Variants in KCTD10 observed in about 807,000 individuals in gnomAD.
The protein encoded by KCTD10 is potassium channel tetramerization domain containing 10.
KCTD10 carries 13 observed loss-of-function variants against 34.6 expected under a neutral mutation model. That is an observed-to-expected ratio of 0.38 (90% CI 0.24 to 0.60). The LOEUF (loss-of-function observed/expected upper bound fraction) is 0.60, where lower values mean the gene tolerates loss of function less well. Ranked by LOEUF, KCTD10 falls within the 20% of genes least tolerant of loss-of-function variation. The pLI is 0.66. For synonymous variants in KCTD10, 156 were observed against 168.8 expected (o/e 0.92, Z 0.59); for missense variants, 256 against 420.3 (o/e 0.61, Z 3.42).
chr12:109,471,500 C>G, intron 1 of KCTD10: 1 of 841,890 alleles, frequency 1.2e-6, no homozygotes, highest in Non-Finnish European at 1.4e-6. Context: ...CTTAGCTCAC[C>G]TGGGGTCTTT....
At chr12:109,474,479 A>T (rs1729112514) in intron 1 of KCTD10, among the ~76,000 whole-genome samples, 1 of 152,146 alleles carries the variant, frequency 6.6e-6, no homozygotes, top group Non-Finnish European at 1.5e-5. Context: ...GGGAGCTCAA[A>T]ACTCCTGACA....
chr12:109,456,585 A>T, intron 5 of KCTD10: 1 of 478,094 alleles, frequency 2.1e-6, no homozygotes, highest in Non-Finnish European at 3.8e-6. Flanking sequence ...GAGTGCTCCT[A>T]ACCATTGTGC....
chr12:109,469,684 C>T lies in KCTD10; in HGVS notation c.48G>A (p.Ala16=), dbSNP rs961803496. ...TGAAGGAAGTGGTGCGGGTAGCAGCCGCTGGCACCGCTGAGCTCACCACAC... is the reference window on the plus strand; with the variant it reads ...TGAAGGAAGTGGTGCGGGTAGCAGCTGCTGGCACCGCTGAGCTCACCACAC... ...GESVVSSAVP[A]AATRTTSFKG... is the part of the protein sequence containing the mutation. Residue 16 remains alanine (A), a synonymous_variant, in exon 2 of 7, where the codon GCG becomes GCA. Transcript: ENST00000228495. 19 of 1,614,076 alleles carry T rather than the reference C, an allele frequency of 1.2e-5. No homozygotes were observed. The African/African-American group carries it at 1.2e-4, about 10-fold the overall frequency.
chr12:109,453,713 AC>A (rs1449227207), intron 6 of KCTD10, among the ~76,000 whole-genome samples: 2 of 152,006 alleles, frequency 1.3e-5, no homozygotes, highest in African/African-American at 4.8e-5. Flanking sequence ...GAATAACCAA[AC>A]CCCCAGCTTT....
In KCTD10 at chr12:109,450,201, C is replaced by A. The variant is rs1872696939; in HGVS notation, c.*1394G>T. ...TCCATCACCTGACGCACATTCACAT[C>A]TCCTGGTAACTACTCTACCTAGTCT... On this transcript the variant is annotated 3_prime_UTR_variant, in exon 7 of 7. Coordinates refer to ENST00000228495, the MANE Select transcript of KCTD10 (RefSeq NM_031954.5). 1 of 398,638 alleles carries A rather than the reference C, an allele frequency of 2.5e-6. No individual in the cohort carries two copies. The highest frequency in any genetic ancestry group is 4.4e-5 in the Admixed American group (1 of 22,740). The allele number at this position is 398,638 out of a possible 1,614,324, so 24.7% of individuals were successfully genotyped here.
rs1872682211 is a variant in KCTD10, at chr12:109,449,975, ATTGTT to A, written c.*1615_*1619del. On this transcript the variant is annotated 3_prime_UTR_variant, in exon 7 of 7. Coordinates refer to ENST00000228495, the MANE Select transcript of KCTD10 (RefSeq NM_031954.5). Reference sequence around the variant, plus strand: ...TACACGATTTTGACATTCAGTCATGATTGTTTTAAAGTTTTATTGTAGACTTTGCT... The same window carrying A: ...TACACGATTTTGACATTCAGTCATGATTAAAGTTTTATTGTAGACTTTGCT... 4 of 291,186 alleles carry A rather than the reference ATTGTT, an allele frequency of 1.4e-5. No individual in the cohort carries two copies. Among genetic ancestry groups the A allele is most frequent in the Non-Finnish European group, 1.9e-5 (3 of 158,230 alleles). 18.0% of individuals were successfully genotyped at this position (291,186 alleles called of 1,614,324 possible). A position where few individuals can be genotyped will look rare whatever the true frequency, so the allele number is the denominator to read the frequency against.
intron 2 of KCTD10, among the ~76,000 whole-genome samples, chr12:109,466,953 T>C (rs1338293232): frequency 6.6e-6 from 1 of 152,234 alleles, no homozygotes; most frequent in Non-Finnish European, 1.5e-5. Flanking sequence ...ATGCAGGCCA[T>C]GGGTCAGGCT....
rs1179809859 is a variant in KCTD10, at chr12:109,449,335, A to AGTT, written c.*2257_*2259dup. On this transcript the variant is annotated 3_prime_UTR_variant, in exon 7 of 7. Transcript: ENST00000228495. ...CAAAGACTCAAAACTACAAGTGCAAAGTTGGGTAGAGAGAGCTGCCAGAAA... is the reference window on the plus strand; with the variant it reads ...CAAAGACTCAAAACTACAAGTGCAAAGTTGTTGGGTAGAGAGAGCTGCCAGAAA... The AGTT allele has an allele frequency of 6.6e-6, 1 of 152,210 alleles. No homozygotes were observed. Among genetic ancestry groups the AGTT allele is most frequent in the South Asian group, 2.1e-4 (1 of 4,828 alleles). 9.4% of individuals were successfully genotyped at this position (152,210 alleles called of 1,614,324 possible). A position where few individuals can be genotyped will look rare whatever the true frequency, so the allele number is the denominator to read the frequency against.
At chr12:109,472,997 C>T (rs922979372) in intron 1 of KCTD10, among the ~76,000 whole-genome samples, 3 of 151,756 alleles carry the variant, frequency 2.0e-5, no homozygotes, top group African/African-American at 7.3e-5. Flanking sequence ...GAAAGCCCCT[C>T]GGTGTCCCTT....
intron 2 of KCTD10, among the ~76,000 whole-genome samples, chr12:109,468,126 C>T (rs1213749030): frequency 6.6e-6 from 1 of 152,180 alleles, no homozygotes; most frequent in African/African-American, 2.4e-5. Context: ...AGGATCCTCC[C>T]ACTCATAAAA....
At chr12:109,476,981 C>A (rs1874369750) in intron 1 of KCTD10, among the ~76,000 whole-genome samples, 2 of 152,190 alleles carry the variant, frequency 1.3e-5, no homozygotes, top group South Asian at 4.1e-4. Context: ...GGAGACACCC[C>A]TTCCTCACGC....
At chr12:109,469,949 G>A (rs1873804425) in intron 1 of KCTD10, 1 of 1,240,204 alleles carries the variant, frequency 8.1e-7, no homozygotes, top group African/African-American at 1.5e-5. Context: ...GGGAACAACT[G>A]GTCAGAGCTG....
In KCTD10 at chr12:109,450,698, C is replaced by T. The variant is rs367751021; in HGVS notation, c.*897G>A. 126 of 233,822 alleles carry T rather than the reference C, an allele frequency of 5.4e-4. No individual in the cohort carries two copies. The highest frequency in any genetic ancestry group is 4.3e-3 in the East Asian group (53 of 12,414). 14.5% of individuals were successfully genotyped at this position (233,822 alleles called of 1,614,324 possible). On this transcript the variant is annotated 3_prime_UTR_variant, in exon 7 of 7. Transcript: ENST00000228495. Reference sequence around the variant, plus strand: ...AAGGAGGCTGAAGAGGAGCGGGATCCCAGGGAGGGGTAGTTTATGAGCTAT... The same window carrying T: ...AAGGAGGCTGAAGAGGAGCGGGATCTCAGGGAGGGGTAGTTTATGAGCTAT...
Position 109,460,780 on chromosome 12 carries a change from C to T in KCTD10, c.243G>A (p.Gly81=), listed in dbSNP as rs1369288249. The change falls in exon 3 of 7, where the codon GGG becomes GGA. Residue 81 remains glycine, a synonymous_variant. Coordinates refer to ENST00000228495, the MANE Select transcript of KCTD10 (RefSeq NM_031954.5). This position sits in a 1 kb window ranked among gnomAD's most constrained non-coding sequence, Gnocchi z 4.5. ...SEGWILIDRC[G]KHFGTILNYL... is the part of the protein sequence containing the mutation. ...AGTTGAGTATCGTACCAAAGTGCTT[C>T]CCACAGCGGTCAATGAGGATCCAGC... 1 of 1,614,136 alleles carries T rather than the reference C, an allele frequency of 6.2e-7. No individual in the cohort carries two copies. Among genetic ancestry groups the T allele is most frequent in the East Asian group, 2.2e-5 (1 of 44,872 alleles).
At chr12:109,468,653 C>CTTTT (rs34623703) in intron 2 of KCTD10, among the ~76,000 whole-genome samples, 27 of 132,440 alleles carry the variant, frequency 2.0e-4, no homozygotes, top group East Asian at 1.5e-3. Flanking sequence ...AATTCTTTGC[C>CTTTT]TTTTTTTTTT....
At chr12:109,468,869 GTCTCGA>G (rs1207459975) in intron 2 of KCTD10, among the ~76,000 whole-genome samples, 4 of 151,944 alleles carry the variant, frequency 2.6e-5, no homozygotes, top group African/African-American at 9.7e-5. Context: ...AGCCAGGATG[GTCTCGA>G]TCTCCTGACC....
chr12:109,467,344 G>A (rs1336444236), intron 2 of KCTD10, among the ~76,000 whole-genome samples: 3 of 152,270 alleles, frequency 2.0e-5, no homozygotes, highest in African/African-American at 4.8e-5. Context: ...CATCGGCTGT[G>A]CGTGGTGGCT....
chr12:109,470,673 A>C, intron 1 of KCTD10: 5 of 852,078 alleles, frequency 5.9e-6, no homozygotes, highest in Non-Finnish European at 7.1e-6. Context: ...CATCACCCTC[A>C]GACAAGGCCA....
At chr12:109,464,764 G>C (rs1237964544) in intron 2 of KCTD10, 2 of 451,166 alleles carry the variant, frequency 4.4e-6, no homozygotes, top group Admixed American at 4.8e-5. Context: ...ATAAAACAAG[G>C]TACCATATCA....
Sources: gnomAD v4.1 joint callset for allele counts (sites outside exome capture counted in the v4.1 genomes callset) on GRCh38, gnomAD v4.1.1 for gene constraint, Gnocchi (gnomAD v3.1) non-coding constraint, MANE v1.5 for transcripts, NCBI Gene and HGNC (gene_info 2026-07-23, HGNC 2026-07-21) for gene names.